Variants in MYO1D observed in about 807,000 individuals in gnomAD.
MYO1D encodes unconventional myosin-Id.
In MYO1D, 83 loss-of-function variants were observed where a neutral mutation model predicts 122.0. The observed-to-expected ratio is 0.68, with a 90% confidence interval of 0.57 to 0.82. The LOEUF is 0.82. Ranked by LOEUF, MYO1D falls within the 40% of genes least tolerant of loss-of-function variation. The pLI is 0.00. For missense variants in MYO1D, 1,157 were observed against 1,269.5 expected, an observed-to-expected ratio of 0.91 and a Z score of 1.35; for synonymous variants, 464 against 446.9, an observed-to-expected ratio of 1.04 and a Z score of -0.48.
chr17:32,567,517 G>A (rs931192664), intron 21 of MYO1D, among the ~76,000 whole-genome samples: 1 of 152,222 alleles, frequency 6.6e-6, no homozygotes, highest in Non-Finnish European at 1.5e-5. Context: ...GTTAAGTAAC[G>A]TCTGATGTCT....
intron 1 of MYO1D, among the ~76,000 whole-genome samples, chr17:32,824,396 G>T (rs916348226): frequency 1.3e-5 from 2 of 152,180 alleles, no homozygotes; most frequent in Non-Finnish European, 2.9e-5. Context: ...GAACAGTAAA[G>T]AGATATTTGT....
chr17:32,644,911 C>T (rs2088265538), intron 19 of MYO1D, among the ~76,000 whole-genome samples: 1 of 152,190 alleles, frequency 6.6e-6, no homozygotes, highest in African/African-American at 2.4e-5. Flanking sequence ...TGCATATTTA[C>T]ATTTAAGGTT....
intron 21 of MYO1D, among the ~76,000 whole-genome samples, chr17:32,513,927 G>GCATA (rs1909790807): frequency 6.6e-6 from 1 of 151,590 alleles, no homozygotes; most frequent in Non-Finnish European, 1.5e-5. Flanking sequence ...GGGACTACAG[G>GCATA]CATACACCAC....
intron 21 of MYO1D, among the ~76,000 whole-genome samples, chr17:32,582,346 A>G (rs948397113): frequency 2.6e-4 from 39 of 152,236 alleles, no homozygotes; most frequent in African/African-American, 8.9e-4. Context: ...CATTACATGA[A>G]TTTTGAAATG....
chr17:32,840,562 G>C (rs1207823098), intron 1 of MYO1D, among the ~76,000 whole-genome samples: 1 of 152,102 alleles, frequency 6.6e-6, no homozygotes, highest in African/African-American at 2.4e-5. Flanking sequence ...AAATGTTTTT[G>C]CCTTTTGGCT....
chr17:32,821,270 G>A (rs2090660225), intron 1 of MYO1D, among the ~76,000 whole-genome samples: 1 of 152,100 alleles, frequency 6.6e-6, no homozygotes, highest in South Asian at 2.1e-4. Context: ...CCTCCATTAA[G>A]CTGGGGGGAA....
At chr17:32,720,267 A>G (rs2150991101) in intron 15 of MYO1D, among the ~76,000 whole-genome samples, 1 of 152,314 alleles carries the variant, frequency 6.6e-6, no homozygotes, top group South Asian at 2.1e-4. Context: ...TCAACAATAA[A>G]TTAACAATAG....
At chr17:32,532,450 G>A (rs1341968917) in intron 21 of MYO1D, among the ~76,000 whole-genome samples, 3 of 152,168 alleles carry the variant, frequency 2.0e-5, no homozygotes, top group South Asian at 4.1e-4. Context: ...AGAAGGGGCC[G>A]GACACAGTGG....
chr17:32,679,225 T>G lies in MYO1D; in HGVS notation c.2122-19887A>C, dbSNP rs1218203236. Among the ~76,000 whole-genome samples the G allele has an allele frequency of 2.7e-5, 4 of 149,942 alleles. No homozygotes were observed. In the East Asian group the frequency reaches 7.8e-4, roughly 29 times the overall value. Reference sequence around the variant, plus strand: ...TTTGTAGGTTGCCTGTTCACTCTGATGGTAGTTTCTTTTGCTGTGCAGAAG... The same window carrying G: ...TTTGTAGGTTGCCTGTTCACTCTGAGGGTAGTTTCTTTTGCTGTGCAGAAG... On this transcript the variant is annotated intron_variant, in intron 16 of 21. Coordinates refer to ENST00000318217, the MANE Select transcript of MYO1D (RefSeq NM_015194.3).
chr17:32,807,282 C>T (rs2090523590), intron 1 of MYO1D, among the ~76,000 whole-genome samples: 1 of 151,944 alleles, frequency 6.6e-6, no homozygotes, highest in South Asian at 2.1e-4. Flanking sequence ...ACAGGGTAAC[C>T]TTAGTTCCAC....
At position 32,664,283 on chromosome 17, in the gene MYO1D, G is replaced by A. The variant is rs116470013; in HGVS notation, c.2122-4945C>T. Reference sequence around the variant, plus strand: ...TGGTTGGTTTTCCCACCAAGGGTCTGCAGCTTTGGAATTTAAGGTATAAGA... The same window carrying A: ...TGGTTGGTTTTCCCACCAAGGGTCTACAGCTTTGGAATTTAAGGTATAAGA... On this transcript the variant is annotated intron_variant, in intron 16 of 21. Transcript: ENST00000318217. Among the ~76,000 whole-genome samples the A allele has an allele frequency of 3.6e-3, 553 of 152,290 alleles. 4 individuals carry two copies. The highest frequency in any genetic ancestry group is 0.013 in the African/African-American group (526 of 41,550).
At chr17:32,686,572 T>C (rs902648493) in intron 16 of MYO1D, 1 of 152,142 alleles carries the variant, frequency 6.6e-6, no homozygotes, top group Non-Finnish European at 1.5e-5. Context: ...ACTATTCCAA[T>C]GAATGGAAAC....
At chr17:32,691,275 AG>A (rs1359176170) in intron 16 of MYO1D, among the ~76,000 whole-genome samples, 2 of 148,686 alleles carry the variant, frequency 1.3e-5, no homozygotes, top group African/African-American at 4.9e-5. Context: ...AAAAAAAAAA[AG>A]AACTTATTTC....
chr17:32,855,565 T>A (rs571841382), intron 1 of MYO1D, among the ~76,000 whole-genome samples: 16 of 152,350 alleles, frequency 1.1e-4, no homozygotes, highest in African/African-American at 3.8e-4. Context: ...TATTTTTCCA[T>A]CCCACTGTTG....
At chr17:32,691,935 G>A (rs8077733) in intron 16 of MYO1D, among the ~76,000 whole-genome samples, 14,112 of 152,030 alleles carry the variant, frequency 0.093, 1,327 homozygotes, top group African/African-American at 0.23. Flanking sequence ...CGAGTATTTG[G>A]TAGGTGAAAA....
chr17:32,725,012 A>C (rs941141706), intron 14 of MYO1D, among the ~76,000 whole-genome samples: 4 of 152,300 alleles, frequency 2.6e-5, no homozygotes, highest in Non-Finnish European at 2.9e-5. Context: ...TAAAAAAATA[A>C]ACGAACCTGC....
chr17:32,665,684 C>A (rs907968875), intron 16 of MYO1D, among the ~76,000 whole-genome samples: 2 of 152,202 alleles, frequency 1.3e-5, no homozygotes, highest in Non-Finnish European at 2.9e-5. Flanking sequence ...TCCTGTTTGT[C>A]TTAGTCTTGG....
intron 21 of MYO1D, among the ~76,000 whole-genome samples, chr17:32,601,929 A>G (rs7211622): frequency 0.037 from 5,707 of 152,298 alleles, 360 homozygotes; most frequent in African/African-American, 0.13. Context: ...TTGAATAAAG[A>G]CTGCAGGAGG....
At chr17:32,716,318 C>T (rs2089445312) in intron 15 of MYO1D, among the ~76,000 whole-genome samples, 1 of 152,120 alleles carries the variant, frequency 6.6e-6, no homozygotes, top group African/African-American at 2.4e-5. Context: ...TTTATTTATT[C>T]TTTTCTCACA....
Sources: allele counts gnomAD v4.1 joint callset (sites outside exome capture counted in the v4.1 genomes callset), GRCh38; gene constraint gnomAD v4.1.1; transcripts MANE v1.5; gene names NCBI Gene and HGNC (gene_info 2026-07-23, HGNC 2026-07-21).